The following SLC16A7 variants were observed in gnomAD, a reference collection of about 807,000 sequenced individuals.
SLC16A7 encodes the protein solute carrier family 16 member 7, also known as monocarboxylate transporter 2.
A neutral mutation model predicts 34.9 loss-of-function variants in SLC16A7; 33 were observed. That is an observed-to-expected ratio of 0.94 (90% confidence interval 0.72 to 1.26). SLC16A7 has a LOEUF of 1.26. Among genes scored for constraint, SLC16A7 ranks in the 50% most tolerant of loss-of-function variants. The pLI, the probability that SLC16A7 is intolerant of heterozygous loss-of-function variation, is 0.00. For synonymous variants in SLC16A7, 201 were observed against 206.6 expected, an observed-to-expected ratio of 0.97 and a Z score of 0.23; for missense variants, 573 against 578.1, an observed-to-expected ratio of 0.99 and a Z score of 0.09.
chr12:59,597,978 A>G (rs1485757038), intron 1 of SLC16A7, among the ~76,000 whole-genome samples: 1 of 152,112 alleles, frequency 6.6e-6, no homozygotes, highest in African/African-American at 2.4e-5. Context: ...CTAGACATTC[A>G]TTTGCTCTTT....
intron 3 of SLC16A7, among the ~76,000 whole-genome samples, chr12:59,750,536 C>T (rs997826180): frequency 1.3e-5 from 2 of 151,982 alleles, no homozygotes; most frequent in South Asian, 2.1e-4. Flanking sequence ...GTTAGAATGA[C>T]GATCATTAAA....
intron 1 of SLC16A7, among the ~76,000 whole-genome samples, chr12:59,619,893 G>A (rs1292602234): frequency 2.0e-5 from 3 of 151,970 alleles, no homozygotes; most frequent in Non-Finnish European, 4.4e-5. Context: ...CTGAGATAGG[G>A]ACCATTATTA....
At chr12:59,717,208 CT>C (rs1303658403) in intron 3 of SLC16A7, among the ~76,000 whole-genome samples, 1 of 152,160 alleles carries the variant, frequency 6.6e-6, no homozygotes, top group Non-Finnish European at 1.5e-5. Context: ...CCTTTGTATT[CT>C]TAGTCTCTTG....
At chr12:59,702,249 T>C (rs1872975126) in intron 2 of SLC16A7, among the ~76,000 whole-genome samples, 1 of 152,002 alleles carries the variant, frequency 6.6e-6, no homozygotes, top group African/African-American at 2.4e-5. Flanking sequence ...CCTTAAATAT[T>C]ATACATCTTC....
chr12:59,780,998 G>GCCTT lies in SLC16A7; in HGVS notation c.*1321_*1324dup, dbSNP rs1883206432. The GCCTT allele has an allele frequency of 2.6e-5, 4 of 152,054 alleles. 1 individual carries two copies. The allele number at this position is 152,054 out of a possible 1,614,324, so 9.4% of individuals were successfully genotyped here. On this transcript the variant is annotated 3_prime_UTR_variant, in exon 6 of 6. Coordinates refer to ENST00000547379, the MANE Select transcript of SLC16A7 (RefSeq NM_001270623.2). The stretch of plus-strand genomic sequence containing the variant: ...ATAACTAAGCCAGGAAACTTTAAAA[G>GCCTT]CCTTCTAGAAATAGAGGCACTGTAT...
At chr12:59,721,114 TTTATA>T (rs1052079096) in intron 3 of SLC16A7, among the ~76,000 whole-genome samples, 1 of 151,970 alleles carries the variant, frequency 6.6e-6, no homozygotes, top group African/African-American at 2.4e-5. Context: ...GTAACCATAT[TTTATA>T]TTATATTACT....
At chr12:59,751,557 G>T (rs543762964) in intron 3 of SLC16A7, among the ~76,000 whole-genome samples, 1 of 152,200 alleles carries the variant, frequency 6.6e-6, no homozygotes, top group South Asian at 2.1e-4. Context: ...GGGGAGGTGC[G>T]CCCGCCATTG....
chr12:59,693,327 G>A (rs933065578), intron 2 of SLC16A7, among the ~76,000 whole-genome samples: 7 of 151,864 alleles, frequency 4.6e-5, no homozygotes, highest in Non-Finnish European at 1.0e-4. Flanking sequence ...TTCAAAAGTT[G>A]AAGAAAGATT....
chr12:59,753,202 G>A (rs1156522494), intron 3 of SLC16A7, among the ~76,000 whole-genome samples: 1 of 152,094 alleles, frequency 6.6e-6, no homozygotes, highest in Non-Finnish European at 1.5e-5. Context: ...ATCAACTAAC[G>A]AGCAAAATAA....
chr12:59,771,372 T>C lies in SLC16A7; in HGVS notation c.361+10T>C. The C allele has an allele frequency of 6.4e-7, 1 of 1,574,734 alleles. No individual in the cohort carries two copies. Among genetic ancestry groups the C allele is most frequent in the Non-Finnish European group, 8.6e-7 (1 of 1,159,568 alleles). On this transcript the variant is annotated intron_variant, in intron 4 of 5. Transcript: ENST00000547379. ...ATGGGATTCATTACAGGTAAGCCAT[T>C]TAGTCTTCAGCTTATTCTTAACTCT...
intron 2 of SLC16A7, among the ~76,000 whole-genome samples, chr12:59,667,986 G>A (rs544463753): frequency 1.2e-3 from 188 of 152,342 alleles, no homozygotes; most frequent in African/African-American, 4.4e-3. Flanking sequence ...CAGCTTCCAC[G>A]TGGTGTTGAG....
intron 3 of SLC16A7, among the ~76,000 whole-genome samples, chr12:59,717,405 G>T (rs1242483246): frequency 6.6e-6 from 1 of 152,084 alleles, no homozygotes; most frequent in Non-Finnish European, 1.5e-5. Context: ...AGTTAGTTTG[G>T]CACTTGCAGA....
At chr12:59,723,207 A>G (rs1338835391) in intron 3 of SLC16A7, among the ~76,000 whole-genome samples, 1 of 151,930 alleles carries the variant, frequency 6.6e-6, no homozygotes, top group Non-Finnish European at 1.5e-5. Context: ...TATAATAATG[A>G]TCAAATAAGA....
At chr12:59,735,069 A>C (rs1393798758) in intron 3 of SLC16A7, among the ~76,000 whole-genome samples, 1 of 152,192 alleles carries the variant, frequency 6.6e-6, no homozygotes, top group Non-Finnish European at 1.5e-5. Context: ...CTTATGAATA[A>C]ATTTTGAATA....
At chr12:59,656,381 T>A (rs1431752697) in intron 2 of SLC16A7, among the ~76,000 whole-genome samples, 1 of 151,972 alleles carries the variant, frequency 6.6e-6, no homozygotes, top group Non-Finnish European at 1.5e-5. Context: ...ACTAGGATCC[T>A]TATAAATGAA....
At chr12:59,659,589 A>G (rs140212729) in intron 2 of SLC16A7, among the ~76,000 whole-genome samples, 9 of 152,226 alleles carry the variant, frequency 5.9e-5, no homozygotes, top group Middle Eastern at 3.4e-3. Flanking sequence ...AAGGAAAAAT[A>G]TATTCAGCTA....
intron 3 of SLC16A7, chr12:59,761,302 G>A (rs1210418479): frequency 2.3e-6 from 1 of 427,272 alleles, no homozygotes; most frequent in African/African-American, 2.1e-5. Context: ...AAGTCTGATG[G>A]TTAGGTTTCT....
At chr12:59,663,005 C>T (rs547202993) in intron 2 of SLC16A7, among the ~76,000 whole-genome samples, 168 of 151,912 alleles carry the variant, frequency 1.1e-3, no homozygotes, top group Non-Finnish European at 2.0e-3. Context: ...GCACACTAGA[C>T]GTAACAGACC....
At chr12:59,666,649 G>A (rs1006764430) in intron 2 of SLC16A7, among the ~76,000 whole-genome samples, 3 of 152,096 alleles carry the variant, frequency 2.0e-5, no homozygotes, top group Non-Finnish European at 4.4e-5. Flanking sequence ...TCTCTTGCCT[G>A]CCACCATGTA....
Sources: allele counts gnomAD v4.1 joint callset (sites outside exome capture counted in the v4.1 genomes callset), GRCh38; gene constraint gnomAD v4.1.1; transcripts MANE v1.5; gene names NCBI Gene and HGNC (gene_info 2026-07-23, HGNC 2026-07-21).